CFAP74: variants seen among roughly 807,000 people sequenced by gnomAD.
CFAP74 encodes cilia and flagella associated protein 74, also known as cilia- and flagella-associated protein 74.
CFAP74 carries 124 observed loss-of-function variants against 188.9 expected under a neutral mutation model. That is an observed-to-expected ratio of 0.66 (90% CI 0.57 to 0.76). CFAP74 has a LOEUF of 0.76. CFAP74 is among the 30% of genes least tolerant of loss of function. The pLI is 0.00. For missense variants in CFAP74, 2,198 were observed against 2,165.2 expected (o/e 1.02, Z -0.30); for synonymous variants, 956 against 916.7 (o/e 1.04, Z -0.77).
In CFAP74 at chr1:1,970,034, G is replaced by C. The variant is rs77828034; in HGVS notation, c.1046+625C>G. ...CTGAGCGGGAGAGAGGGGCCTTGTAGGAACCTGGCCCCGAGGTCTGGATCT... is the reference window on the plus strand; with the variant it reads ...CTGAGCGGGAGAGAGGGGCCTTGTACGAACCTGGCCCCGAGGTCTGGATCT... On this transcript the variant is annotated intron_variant, in intron 10 of 38. Coordinates refer to ENST00000682832, the MANE Select transcript of CFAP74 (RefSeq NM_001304360.2). Among the ~76,000 whole-genome samples, 1,164 of 152,324 alleles carry C rather than the reference G, an allele frequency of 7.6e-3. 57 individuals carry two copies. The East Asian group carries it at 0.13, about 17-fold the overall frequency.
intron 18 of CFAP74, among the ~76,000 whole-genome samples, chr1:1,949,562 T>C (rs905957640): frequency 2.1e-5 from 1 of 46,710 alleles, no homozygotes; most frequent in Non-Finnish European, 5.0e-5. Flanking sequence ...AGTGGAACTT[T>C]CTTAAGTTTT....
At chr1:1,938,312 C>T (rs1175501007) in intron 25 of CFAP74, among the ~76,000 whole-genome samples, 1 of 143,084 alleles carries the variant, frequency 7.0e-6, no homozygotes, top group African/African-American at 2.6e-5. Context: ...CACCCACATA[C>T]ATGCACTCAC....
rs1038425341 is a variant in CFAP74 at position 1,925,790 on chromosome 1, C to A, written c.4097G>T (p.Gly1366Val). 3 of 1,611,478 alleles carry A rather than the reference C, an allele frequency of 1.9e-6. No homozygotes were observed. The highest frequency in any genetic ancestry group is 2.7e-5 in the African/African-American group (2 of 74,898). Residue 1366 changes from glycine to valine, a missense_variant, in exon 33 of 39, where the codon GGC becomes GTC. Transcript: ENST00000682832. ...GGCCCACGTGTGCTTCACCTTGAAG[C>A]CTGAGGACACAGACTCTCCGGCAAT... Reference protein sequence around the residue: ...YVIAGESVSSGFKLQNNSLLP... With the variant: ...YVIAGESVSSVFKLQNNSLLP...
At chr1:1,969,894 TG>T (rs1486837383) in intron 10 of CFAP74, among the ~76,000 whole-genome samples, 1 of 151,924 alleles carries the variant, frequency 6.6e-6, no homozygotes, top group Non-Finnish European at 1.5e-5. Context: ...GAGACTGGGA[TG>T]GGGAGAAAGG....
At chr1:1,972,191 C>G (rs1656133208) in intron 8 of CFAP74, 109 bp from the exon 9 acceptor site, 1 of 796,180 alleles carries the variant, frequency 1.3e-6, no homozygotes, top group South Asian at 1.5e-5. Context: ...AGTGATCCTC[C>G]TGTCTCAGCC....
At position 1,975,051 on chromosome 1, in the gene CFAP74, C is replaced by T. The variant is rs1400540693; in HGVS notation, c.501-853G>A. Among the ~76,000 whole-genome samples the T allele has an allele frequency of 1.3e-5, 2 of 152,248 alleles. No individual in the cohort carries two copies. Among genetic ancestry groups the T allele is most frequent in the South Asian group, 2.1e-4 (1 of 4,832 alleles). On this transcript the variant is annotated intron_variant, in intron 6 of 38. Transcript: ENST00000682832. The surrounding 1 kb of genome is among the most constrained non-coding windows in gnomAD (Gnocchi z 4.5). ...GATCAGAACCCTGGACAAGGTCAGACGCAGGCGTTGAGCCGGCATCCTCAC... is the reference window on the plus strand; with the variant it reads ...GATCAGAACCCTGGACAAGGTCAGATGCAGGCGTTGAGCCGGCATCCTCAC...
intron 1 of CFAP74, among the ~76,000 whole-genome samples, chr1:1,998,856 G>T (rs1441973319): frequency 6.6e-6 from 1 of 152,080 alleles, no homozygotes; most frequent in Non-Finnish European, 1.5e-5. Flanking sequence ...TAGCCTAGGC[G>T]ACAGAGTGAG....
intron 17 of CFAP74, 29 bp from the exon 18 acceptor site, chr1:1,955,879 G>C: frequency 6.3e-7 from 1 of 1,590,844 alleles, no homozygotes; most frequent in Non-Finnish European, 8.6e-7. Flanking sequence ...ATCCTGGCTT[G>C]GGAGGTTTCC....
rs777761795 is a variant in CFAP74 at position 1,968,628 on chromosome 1, T to C, written c.1245+7A>G. On this transcript the variant is annotated splice_region_variant and intron_variant, in intron 11 of 38. Coordinates refer to ENST00000682832, the MANE Select transcript of CFAP74 (RefSeq NM_001304360.2). This position sits in a 1 kb window ranked among gnomAD's most constrained non-coding sequence, Gnocchi z 4.3. ...GGCTTCTGTCTACAGGAAGGCGTTTTGCTCACCAGTGTGTACGTGTTGGTT... is the reference window on the plus strand; with the variant it reads ...GGCTTCTGTCTACAGGAAGGCGTTTCGCTCACCAGTGTGTACGTGTTGGTT... 3.1e-6 allele frequency: 5 copies of C among 1,611,568 alleles called. No individual in the cohort carries two copies. In the African/African-American group the frequency reaches 6.7e-5, roughly 22 times the overall value.
intron 21 of CFAP74, among the ~76,000 whole-genome samples, chr1:1,943,916 G>A (rs1481200134): frequency 6.6e-6 from 1 of 152,182 alleles, no homozygotes; most frequent in African/African-American, 2.4e-5. Context: ...GTGTCCCCGG[G>A]CTCGGGGCCC....
chr1:1,973,240 C>T lies in CFAP74; in HGVS notation c.675-193G>A, dbSNP rs2102083001. Among the ~76,000 whole-genome samples the T allele has an allele frequency of 6.6e-6, 1 of 152,380 alleles. No homozygotes were observed. Among genetic ancestry groups the T allele is most frequent in the Non-Finnish European group, 1.5e-5 (1 of 68,038 alleles). The stretch of plus-strand genomic sequence containing the variant: ...TGCCGTGGGCCACACAGATGTCAAA[C>T]TCTCCACGCTACTGGGGCTCCAGTG... On this transcript the variant is annotated intron_variant, in intron 7 of 38. Coordinates refer to ENST00000682832, the MANE Select transcript of CFAP74 (RefSeq NM_001304360.2). The surrounding 1 kb of genome is among the most constrained non-coding windows in gnomAD (Gnocchi z 6.2).
chr1:1,994,498 G>A (rs1394597385), intron 1 of CFAP74, among the ~76,000 whole-genome samples: 1 of 152,174 alleles, frequency 6.6e-6, no homozygotes, highest in Non-Finnish European at 1.5e-5. Context: ...AAAGTCCTGG[G>A]AGGCAGAATT....
intron 1 of CFAP74, among the ~76,000 whole-genome samples, chr1:2,002,419 G>T (rs1658250899): frequency 2.0e-5 from 3 of 151,100 alleles, no homozygotes; most frequent in Admixed American, 2.0e-4. Context: ...GTGGCTCACC[G>T]CCTGTAATTC....
chr1:1,949,831 C>T (rs1440424393), intron 18 of CFAP74, among the ~76,000 whole-genome samples: 1 of 152,160 alleles, frequency 6.6e-6, no homozygotes, highest in Non-Finnish European at 1.5e-5. Context: ...GACTGGTCCA[C>T]GGCACTGCCT....
intron 25 of CFAP74, among the ~76,000 whole-genome samples, chr1:1,937,843 ACCAGGTCCACCTCTGGACACAGGTCCACC>A (rs1238270274): frequency 3.1e-5 from 1 of 31,864 alleles, no homozygotes; most frequent in African/African-American, 1.0e-4. Flanking sequence ...GATTTACAAC[ACCAGGTCCACCTCTGGACACAGGTCCACC>A]CACCTGTGTC....
intron 16 of CFAP74, among the ~76,000 whole-genome samples, chr1:1,958,257 C>T (rs927596105): frequency 1.3e-5 from 2 of 152,252 alleles, no homozygotes; most frequent in African/African-American, 4.8e-5. Context: ...CGCCTCTGCC[C>T]TTCGCCTGCC....
Position 1,942,507 on chromosome 1 carries a change from C to T in CFAP74, c.2487-351G>A, listed in dbSNP as rs1354342957. ...GGAGGGGACATGAGGGGTGGAACCCCTCCCTCCAGGGCTCTGCCCGCCTCC... is the reference window on the plus strand; with the variant it reads ...GGAGGGGACATGAGGGGTGGAACCCTTCCCTCCAGGGCTCTGCCCGCCTCC... On this transcript the variant is annotated intron_variant, in intron 21 of 38. Coordinates refer to ENST00000682832, the MANE Select transcript of CFAP74 (RefSeq NM_001304360.2). This position sits in a 1 kb window ranked among gnomAD's most constrained non-coding sequence, Gnocchi z 4.3. 6.6e-6 allele frequency among the ~76,000 whole-genome samples: 1 copy of T among 152,108 alleles called. No individual in the cohort carries two copies. Among genetic ancestry groups the T allele is most frequent in the East Asian group, 1.9e-4 (1 of 5,164 alleles).
chr1:1,964,373 A>G (rs919002786), intron 13 of CFAP74, among the ~76,000 whole-genome samples: 1 of 152,186 alleles, frequency 6.6e-6, no homozygotes, highest in Non-Finnish European at 1.5e-5. Context: ...CGGCACCCCC[A>G]TTGCTCAGAC....
chr1:1,947,135 C>T (rs375931281), intron 18 of CFAP74, 81 bp from the exon 19 acceptor site: 6 of 997,144 alleles, frequency 6.0e-6, no homozygotes, highest in South Asian at 4.2e-5. Context: ...ACGTGGTCAC[C>T]ACCTCCAAAC....
Sources: gnomAD v4.1 joint callset for allele counts (sites outside exome capture counted in the v4.1 genomes callset) on GRCh38, gnomAD v4.1.1 for gene constraint, Gnocchi (gnomAD v3.1) non-coding constraint, MANE v1.5 for transcripts, NCBI Gene and HGNC (gene_info 2026-07-23, HGNC 2026-07-21) for gene names.